Variants in LARGE1 observed in about 807,000 individuals in gnomAD.
LARGE1 encodes LARGE xylosyl- and glucuronyltransferase 1.
A neutral mutation model predicts 87.6 loss-of-function variants in LARGE1; 43 were observed. The ratio of observed to expected loss-of-function variants is 0.49; its 90% CI spans 0.38 to 0.63. LARGE1 has a LOEUF of 0.63. Among genes scored for constraint, LARGE1 ranks in the 30% least tolerant of loss-of-function variants. The pLI, the probability that LARGE1 is intolerant of heterozygous loss-of-function variation, is 0.00. For synonymous variants in LARGE1, 434 were observed against 394.6 expected (o/e 1.10, Z -1.18); for missense variants, 802 against 1,000.2 (o/e 0.80, Z 2.67).
chr22:33,696,465 G>C (rs376542532), intron 2 of LARGE1, among the ~76,000 whole-genome samples: 1 of 151,892 alleles, frequency 6.6e-6, no homozygotes, highest in Admixed American at 6.6e-5. Flanking sequence ...GTTTCACTAC[G>C]TGGGCCTGGC....
chr22:33,622,267 C>T (rs240596), intron 4 of LARGE1, among the ~76,000 whole-genome samples: 117,990 of 152,078 alleles, frequency 0.78, 46,630 homozygotes, highest in African/African-American at 0.94. Flanking sequence ...TGATAGTGAG[C>T]GAGTGAGTTC....
At chr22:33,343,885 C>T (rs905307359) in intron 9 of LARGE1, among the ~76,000 whole-genome samples, 2 of 152,242 alleles carry the variant, frequency 1.3e-5, no homozygotes, top group East Asian at 3.9e-4. Flanking sequence ...TCTTAACTTA[C>T]ACGATCACAA....
At chr22:33,354,219 A>G (rs1940677301) in intron 9 of LARGE1, among the ~76,000 whole-genome samples, 1 of 152,254 alleles carries the variant, frequency 6.6e-6, no homozygotes, top group South Asian at 2.1e-4. Flanking sequence ...TAGAGCTTTT[A>G]GAAAATAAAT....
chr22:33,910,050 C>T (rs564603143), intron 1 of LARGE1, among the ~76,000 whole-genome samples: 2 of 152,266 alleles, frequency 1.3e-5, no homozygotes, highest in South Asian at 2.1e-4. Context: ...ACTTCCCATC[C>T]GTGTTCAGCC....
chr22:33,715,249 C>A (rs568025321), intron 2 of LARGE1, among the ~76,000 whole-genome samples: 2 of 152,304 alleles, frequency 1.3e-5, no homozygotes, highest in African/African-American at 2.4e-5. Flanking sequence ...TGCCTATCAC[C>A]ACAGGCGTTT....
At chr22:33,876,514 A>G (rs1021758436) in intron 1 of LARGE1, among the ~76,000 whole-genome samples, 2 of 129,310 alleles carry the variant, frequency 1.5e-5, no homozygotes, top group African/African-American at 5.0e-5. Context: ...ATAATATGCT[A>G]TACTTCTATT....
chr22:33,591,363 C>T (rs866984306), intron 5 of LARGE1, among the ~76,000 whole-genome samples: 1 of 152,140 alleles, frequency 6.6e-6, no homozygotes, highest in South Asian at 2.1e-4. Flanking sequence ...GAAGTGGTAT[C>T]TCAGGATGGT....
the LARGE1 span, among the ~76,000 whole-genome samples, chr22:33,140,912 T>C: frequency 6.6e-6 from 1 of 152,302 alleles, no homozygotes; most frequent in South Asian, 2.1e-4. Flanking sequence ...CCTGTCCCTC[T>C]AGAGATACAG....
At chr22:33,602,808 C>T (rs1352216734) in intron 5 of LARGE1, among the ~76,000 whole-genome samples, 1 of 152,196 alleles carries the variant, frequency 6.6e-6, no homozygotes, top group Non-Finnish European at 1.5e-5. Flanking sequence ...CCACTACGCC[C>T]AGCACACTTC....
intron 11 of LARGE1, among the ~76,000 whole-genome samples, chr22:33,215,575 G>A (rs1418098652): frequency 6.6e-6 from 1 of 152,180 alleles, no homozygotes; most frequent in East Asian, 1.9e-4. Flanking sequence ...ATGCAATGTA[G>A]GAGAAACTGT....
intron 2 of LARGE1, among the ~76,000 whole-genome samples, chr22:33,729,458 G>C (rs1403704727): frequency 6.6e-6 from 1 of 152,180 alleles, no homozygotes; most frequent in Non-Finnish European, 1.5e-5. Context: ...CAGAAGATGA[G>C]GAATCAAATT....
At chr22:33,597,188 A>G (rs1001867323) in intron 5 of LARGE1, among the ~76,000 whole-genome samples, 1 of 151,808 alleles carries the variant, frequency 6.6e-6, no homozygotes, top group Non-Finnish European at 1.5e-5. Flanking sequence ...CAGAAAACCC[A>G]GATCCCATTC....
At chr22:33,434,190 G>C (rs552839047) in intron 6 of LARGE1, among the ~76,000 whole-genome samples, 89 of 152,312 alleles carry the variant, frequency 5.8e-4, no homozygotes, top group Middle Eastern at 3.4e-3. Flanking sequence ...GACCCAGCTA[G>C]AGACCTCATT....
chr22:33,376,077 T>C (rs2064983485), intron 9 of LARGE1, among the ~76,000 whole-genome samples: 1 of 152,240 alleles, frequency 6.6e-6, no homozygotes, highest in Non-Finnish European at 1.5e-5. Context: ...TTCTTTTTTT[T>C]CTTCCAGAAA....
chr22:33,288,888 G>C lies in LARGE1; in HGVS notation c.1731-5540C>G, dbSNP rs1932025148. 3.9e-5 allele frequency among the ~76,000 whole-genome samples: 6 copies of C among 152,104 alleles called. No individual in the cohort carries two copies. The South Asian group carries it at 1.2e-3, about 32-fold the overall frequency. On this transcript the variant is annotated intron_variant, in intron 12 of 14. Transcript: ENST00000397394. The stretch of plus-strand genomic sequence containing the variant: ...ACAGGTTCAAAGTTTTGTTGCCCTT[G>C]TCTTGTCCAAGACACTTGCAAGAAC...
At chr22:33,133,919 A>G in the LARGE1 span, among the ~76,000 whole-genome samples, 1 of 152,200 alleles carries the variant, frequency 6.6e-6, no homozygotes, top group South Asian at 2.1e-4. Context: ...TAAGCCTTCA[A>G]TATATTATTT....
intron 2 of LARGE1, among the ~76,000 whole-genome samples, chr22:33,685,175 G>C (rs975454649): frequency 4.1e-4 from 62 of 152,242 alleles, no homozygotes; most frequent in Admixed American, 1.0e-3. Context: ...AGGGTGGACA[G>C]AGGTAGTGTG....
intron 3 of LARGE1, among the ~76,000 whole-genome samples, chr22:33,633,733 G>T (rs1459376194): frequency 6.6e-6 from 1 of 152,224 alleles, no homozygotes; most frequent in Non-Finnish European, 1.5e-5. Context: ...GCTATGGAAA[G>T]ACAGGCTCAG....
intron 1 of LARGE1, among the ~76,000 whole-genome samples, chr22:33,906,079 G>A (rs1444332202): frequency 6.6e-6 from 1 of 152,088 alleles, no homozygotes; most frequent in Non-Finnish European, 1.5e-5. Context: ...GCAGTGAGCC[G>A]AGATTGCGCC....
Sources: allele counts gnomAD v4.1 joint callset (sites outside exome capture counted in the v4.1 genomes callset), GRCh38; gene constraint gnomAD v4.1.1; transcripts MANE v1.5; gene names NCBI Gene and HGNC (gene_info 2026-07-23, HGNC 2026-07-21).